TMOD2: variants seen among roughly 807,000 people sequenced by gnomAD.
TMOD2 encodes the protein tropomodulin 2, also known as tropomodulin-2.
TMOD2 carries 22 observed loss-of-function variants against 39.9 expected under a neutral mutation model. The ratio of observed to expected loss-of-function variants is 0.55; its 90% CI spans 0.39 to 0.79. The LOEUF (loss-of-function observed/expected upper bound fraction) is 0.79, where lower values mean the gene tolerates loss of function less well. TMOD2 is among the 30% of genes least tolerant of loss of function. TMOD2 has a pLI of 0.00. For missense variants in TMOD2, 386 were observed against 413.3 expected (o/e 0.93, Z 0.57); for synonymous variants, 123 against 146.1 (o/e 0.84, Z 1.14).
intron 9 of TMOD2, among the ~76,000 whole-genome samples, chr15:51,807,878 G>A (rs1006839678): frequency 3.3e-5 from 5 of 152,168 alleles, no homozygotes; most frequent in African/African-American, 1.2e-4. Context: ...CAACTTCTTC[G>A]GTTCTAAACA....
At position 51,808,528 on chromosome 15, in the gene TMOD2, A is replaced by G. The variant is rs2056135752; in HGVS notation, c.*74A>G. On this transcript the variant is annotated 3_prime_UTR_variant, in exon 10 of 10. Coordinates refer to ENST00000249700, the MANE Select transcript of TMOD2 (RefSeq NM_014548.4). ...ACAAAAACTCTTCTTCTTCCCCATC[A>G]GGACCATTTTATCAAAGTTCGTTCA... 4.7e-6 allele frequency: 6 copies of G among 1,273,470 alleles called. No homozygotes were observed. The highest frequency in any genetic ancestry group is 2.1e-5 in the Admixed American group (1 of 47,638). 78.9% of individuals were successfully genotyped at this position (1,273,470 alleles called of 1,614,324 possible).
At position 51,815,436 on chromosome 15, in the gene TMOD2, AAGAG is replaced by A. The variant is rs1342324878; in HGVS notation, c.*6986_*6989del. ...TTCTGAGTAAGTATTGACTGGGAAAAAGAGAGAAGTCAATCAAAAGTATACTGTG... is the reference window on the plus strand; with the variant it reads ...TTCTGAGTAAGTATTGACTGGGAAAAAGAAGTCAATCAAAAGTATACTGTG... On this transcript the variant is annotated 3_prime_UTR_variant, in exon 10 of 10. Transcript: ENST00000249700. The A allele has an allele frequency of 4.6e-5, 7 of 152,048 alleles. No individual in the cohort carries two copies. Among genetic ancestry groups the A allele is most frequent in the Admixed American group, 3.3e-4 (5 of 15,262 alleles). The allele number at this position is 152,048 out of a possible 1,614,324, so 9.4% of individuals were successfully genotyped here.
chr15:51,786,032 A>G (rs2055967636), intron 7 of TMOD2, among the ~76,000 whole-genome samples: 1 of 152,158 alleles, frequency 6.6e-6, no homozygotes, highest in Non-Finnish European at 1.5e-5. Context: ...CCACAGGAAG[A>G]TATACGTATA....
At chr15:51,787,001 G>A (rs904575458) in intron 7 of TMOD2, among the ~76,000 whole-genome samples, 6 of 152,200 alleles carry the variant, frequency 3.9e-5, no homozygotes, top group African/African-American at 1.4e-4. Context: ...GCCCATGGAG[G>A]GTGAGCTGAA....
chr15:51,791,026 A>C (rs2056007928), intron 7 of TMOD2, among the ~76,000 whole-genome samples: 1 of 152,220 alleles, frequency 6.6e-6, no homozygotes. Context: ...AACAGAAAGC[A>C]ATAAAGGGTA....
chr15:51,777,910 A>G (rs991145130), intron 5 of TMOD2, among the ~76,000 whole-genome samples: 5 of 152,096 alleles, frequency 3.3e-5, no homozygotes, highest in Non-Finnish European at 7.4e-5. Flanking sequence ...TAGTTCAACC[A>G]TTGTGGAAGT....
chr15:51,782,654 G>A, intron 6 of TMOD2, 67 bp from the exon 7 acceptor site: 2 of 1,233,368 alleles, frequency 1.6e-6, no homozygotes, highest in South Asian at 2.5e-5. Flanking sequence ...AAAGGTTGTG[G>A]GTTCTTACCT....
chr15:51,795,267 A>T (rs2056039773), intron 7 of TMOD2, among the ~76,000 whole-genome samples: 1 of 151,804 alleles, frequency 6.6e-6, no homozygotes, highest in Non-Finnish European at 1.5e-5. Flanking sequence ...CTACAAGTAT[A>T]TAAAAAAAAT....
At chr15:51,801,919 T>A (rs1339760671) in intron 8 of TMOD2, among the ~76,000 whole-genome samples, 1 of 149,150 alleles carries the variant, frequency 6.7e-6, no homozygotes, top group Admixed American at 6.8e-5. Flanking sequence ...TAGCAAGACC[T>A]CATCTTTAAA....
At chr15:51,799,396 C>T (rs1284826445) in intron 8 of TMOD2, among the ~76,000 whole-genome samples, 1 of 152,158 alleles carries the variant, frequency 6.6e-6, no homozygotes, top group African/African-American at 2.4e-5. Context: ...GTTGCCTAAC[C>T]CTGGAAACCC....
intron 1 of TMOD2, among the ~76,000 whole-genome samples, chr15:51,763,143 TGCCCAGGCTGGTCTCAAATTCCTG>T (rs766710773): frequency 1.3e-5 from 2 of 152,276 alleles, no homozygotes; most frequent in South Asian, 4.2e-4. Flanking sequence ...CTCACTGTGT[TGCCCAGGCTGGTCTCAAATTCCTG>T]GGCTCAAGAA....
chr15:51,772,156 A>C (rs1030580825), intron 3 of TMOD2, among the ~76,000 whole-genome samples: 1 of 152,164 alleles, frequency 6.6e-6, no homozygotes, highest in Non-Finnish European at 1.5e-5. Flanking sequence ...CCTTTCCCAT[A>C]GGAGTGGGAT....
At chr15:51,798,392 C>T (rs769040053) in intron 8 of TMOD2, 52 bp downstream of exon 8, 39 of 1,583,548 alleles carry the variant, frequency 2.5e-5, no homozygotes, top group Middle Eastern at 1.7e-4. Flanking sequence ...GTGCAGTGAG[C>T]GGGGGAAATG....
At chr15:51,803,551 A>G (rs1159385566) in intron 8 of TMOD2, among the ~76,000 whole-genome samples, 1 of 152,214 alleles carries the variant, frequency 6.6e-6, no homozygotes, top group Non-Finnish European at 1.5e-5. Flanking sequence ...ATATTAAATC[A>G]TAAACCAAAT....
chr15:51,762,148 C>CA (rs567619134), intron 1 of TMOD2, among the ~76,000 whole-genome samples: 312 of 124,122 alleles, frequency 2.5e-3, no homozygotes, highest in East Asian at 9.0e-3. Flanking sequence ...GACTCTGCCT[C>CA]AAAAAAAAAA....
In TMOD2 at chr15:51,799,684, A is replaced by G. The variant is rs140800043; in HGVS notation, c.876+1344A>G. ...GAAGTTCGATGCTGTGTATCCTAGC[A>G]TATGTCCAGCTGCTAGTAAATTAGA... On this transcript the variant is annotated intron_variant, in intron 8 of 9. Coordinates refer to ENST00000249700, the MANE Select transcript of TMOD2 (RefSeq NM_014548.4). Among the ~76,000 whole-genome samples the G allele has an allele frequency of 3.0e-3, 456 of 152,324 alleles. 1 individual carries two copies. The highest frequency in any genetic ancestry group is 4.0e-3 in the Non-Finnish European group (271 of 68,018).
intron 1 of TMOD2, 108 bp from the exon 2 acceptor site, chr15:51,766,265 T>G: frequency 6.2e-6 from 3 of 483,540 alleles, no homozygotes. Context: ...TGTTGAATTA[T>G]TCATTCAATA....
intron 1 of TMOD2, among the ~76,000 whole-genome samples, chr15:51,763,536 C>T (rs2055796105): frequency 6.6e-6 from 1 of 152,186 alleles, no homozygotes; most frequent in Admixed American, 6.5e-5. Flanking sequence ...AAAAACAAAA[C>T]TAAAACTAAA....
intron 5 of TMOD2, among the ~76,000 whole-genome samples, chr15:51,778,638 T>G (rs117656949): frequency 0.026 from 3,694 of 139,940 alleles, 110 homozygotes; most frequent in Non-Finnish European, 0.042. Context: ...CATAGAAAAT[T>G]ACAGCTTTTT....
Sources: allele counts gnomAD v4.1 joint callset (sites outside exome capture counted in the v4.1 genomes callset), GRCh38; gene constraint gnomAD v4.1.1; transcripts MANE v1.5; gene names NCBI Gene and HGNC (gene_info 2026-07-23, HGNC 2026-07-21).